The following LRFN2 variants were observed in gnomAD, a reference collection of about 807,000 sequenced individuals.
LRFN2 encodes the protein leucine rich repeat and fibronectin type III domain containing 2, also known as leucine-rich repeat and fibronectin type-III domain-containing protein 2.
Under a neutral mutation model 37.3 loss-of-function variants are expected in LRFN2, and 18 were observed. The observed-to-expected ratio is 0.48, with a 90% CI of 0.33 to 0.72. The LOEUF is 0.72. LRFN2 is among the 30% of genes least tolerant of loss of function. The pLI is 0.02. For missense variants in LRFN2, 1,006 were observed against 1,060.7 expected, an observed-to-expected ratio of 0.95 and a Z score of 0.72; for synonymous variants, 556 against 466.6, an observed-to-expected ratio of 1.19 and a Z score of -2.47.
At chr6:40,457,867 A>G (rs1051001395) in intron 1 of LRFN2, among the ~76,000 whole-genome samples, 4 of 152,266 alleles carry the variant, frequency 2.6e-5, no homozygotes, top group Non-Finnish European at 5.9e-5. Flanking sequence ...AAGCAAAATC[A>G]ATGTGTGTGA....
At chr6:40,466,183 G>A (rs752206959) in intron 1 of LRFN2, among the ~76,000 whole-genome samples, 1 of 152,102 alleles carries the variant, frequency 6.6e-6, no homozygotes, top group Non-Finnish European at 1.5e-5. Flanking sequence ...ACCTTTGCAG[G>A]TCCATTCCCA....
chr6:40,581,218 C>G (rs1767392518), intron 1 of LRFN2, among the ~76,000 whole-genome samples: 1 of 152,172 alleles, frequency 6.6e-6, no homozygotes, highest in Non-Finnish European at 1.5e-5. Context: ...GGATGGAGGA[C>G]CCCAGCCAAG....
rs751179915 is a variant in LRFN2 at position 40,523,505 on chromosome 6, A to ATTTTT, written c.-19+63431_-19+63435dup. 4.6e-5 allele frequency among the ~76,000 whole-genome samples: 6 copies of ATTTTT among 129,312 alleles called. 3 individuals are homozygous for ATTTTT. The highest frequency in any genetic ancestry group is 5.6e-5 in the African/African-American group (2 of 35,904). 84.8% of individuals were successfully genotyped at this position (129,312 alleles called of 152,430 possible). ...TAGGACCCTAAAGCATCTTTAGGTG[A>ATTTTT]TTTTTTTTTTTTTTTTTTTTTTTTT... is the stretch of plus-strand genomic sequence containing the variant. On this transcript the variant is annotated intron_variant, in intron 1 of 2. Transcript: ENST00000338305.
chr6:40,510,043 G>GT (rs1481566734), intron 1 of LRFN2, among the ~76,000 whole-genome samples: 8 of 151,216 alleles, frequency 5.3e-5, no homozygotes, highest in African/African-American at 2.0e-4. Context: ...GAACACTGCT[G>GT]TGCAGGTAGG....
At chr6:40,447,254 T>A (rs964826254) in intron 1 of LRFN2, among the ~76,000 whole-genome samples, 3 of 152,246 alleles carry the variant, frequency 2.0e-5, no homozygotes, top group Non-Finnish European at 2.9e-5. Flanking sequence ...AACCTTCTCA[T>A]TAACCTCAAG....
intron 1 of LRFN2, among the ~76,000 whole-genome samples, chr6:40,557,627 G>A (rs1256859878): frequency 6.6e-6 from 1 of 152,186 alleles, no homozygotes; most frequent in Non-Finnish European, 1.5e-5. Flanking sequence ...TATAGCTGCA[G>A]AGATACCACA....
intron 1 of LRFN2, among the ~76,000 whole-genome samples, chr6:40,496,931 T>C (rs1765241496): frequency 6.6e-6 from 1 of 152,078 alleles, no homozygotes; most frequent in Non-Finnish European, 1.5e-5. Flanking sequence ...GAAAATCCAG[T>C]TAATTACTCA....
chr6:40,420,485 C>A (rs868511585), intron 2 of LRFN2, among the ~76,000 whole-genome samples: 5 of 152,354 alleles, frequency 3.3e-5, no homozygotes, highest in South Asian at 2.1e-4. Context: ...AGCTTCCCCC[C>A]CAGGCTGGCC....
At chr6:40,494,145 A>G (rs1765164955) in intron 1 of LRFN2, among the ~76,000 whole-genome samples, 1 of 152,170 alleles carries the variant, frequency 6.6e-6, no homozygotes, top group Non-Finnish European at 1.5e-5. Context: ...TGAAGTAGTT[A>G]TGGATCTCAG....
intron 1 of LRFN2, among the ~76,000 whole-genome samples, chr6:40,434,894 G>T (rs1006147815): frequency 6.6e-6 from 1 of 151,342 alleles, no homozygotes; most frequent in Non-Finnish European, 1.5e-5. Context: ...CTGTACGCAT[G>T]AGCAAGTTTA....
chr6:40,540,235 A>G (rs1323354640), intron 1 of LRFN2, among the ~76,000 whole-genome samples: 2 of 152,190 alleles, frequency 1.3e-5, no homozygotes, highest in African/African-American at 4.8e-5. Flanking sequence ...TGCAAATAAA[A>G]CATTCAGAAC....
chr6:40,470,883 G>T (rs1359987383), intron 1 of LRFN2, among the ~76,000 whole-genome samples: 4 of 152,184 alleles, frequency 2.6e-5, no homozygotes, highest in Non-Finnish European at 5.9e-5. Context: ...ACATAGGGTG[G>T]GTGGTTGCAC....
At position 40,567,498 on chromosome 6, in the gene LRFN2, G is replaced by A. The variant is rs77101369; in HGVS notation, c.-19+19443C>T. Among the ~76,000 whole-genome samples the A allele has an allele frequency of 1.5e-3, 225 of 152,198 alleles. 2 individuals are homozygous for A. The East Asian group carries it at 0.018, about 12-fold the overall frequency. On this transcript the variant is annotated intron_variant, in intron 1 of 2. Coordinates refer to ENST00000338305, the MANE Select transcript of LRFN2 (RefSeq NM_020737.3). ...CTGTCCACTTCATTCCTTAAAACAC[G>A]TGATTACAAAGCTGTCTTGATCCTT...
At chr6:40,405,892 G>A (rs891477952) in intron 2 of LRFN2, among the ~76,000 whole-genome samples, 1 of 152,218 alleles carries the variant, frequency 6.6e-6, no homozygotes, top group Non-Finnish European at 1.5e-5. Context: ...GGTGACAGGT[G>A]AGGATCACTC....
intron 1 of LRFN2, among the ~76,000 whole-genome samples, chr6:40,576,131 G>A (rs1382522181): frequency 1.3e-5 from 2 of 152,134 alleles, no homozygotes; most frequent in African/African-American, 4.8e-5. Flanking sequence ...CTTCCTCACT[G>A]TCATGGGGTC....
At chr6:40,451,376 G>A (rs559570945) in intron 1 of LRFN2, among the ~76,000 whole-genome samples, 1 of 152,296 alleles carries the variant, frequency 6.6e-6, no homozygotes, top group South Asian at 2.1e-4. Flanking sequence ...GTTTCTAGAT[G>A]TGGTTCTTCC....
At chr6:40,577,462 G>A (rs1260151597) in intron 1 of LRFN2, among the ~76,000 whole-genome samples, 1 of 152,036 alleles carries the variant, frequency 6.6e-6, no homozygotes, top group Admixed American at 6.6e-5. Context: ...AAAGATCCAG[G>A]AGGGTACATG....
At chr6:40,516,917 C>G (rs1765895204) in intron 1 of LRFN2, among the ~76,000 whole-genome samples, 1 of 151,876 alleles carries the variant, frequency 6.6e-6, no homozygotes, top group Non-Finnish European at 1.5e-5. Flanking sequence ...GCAGAGCTCT[C>G]CATTCCTTCC....
chr6:40,548,327 G>A (rs1766702186), intron 1 of LRFN2, among the ~76,000 whole-genome samples: 1 of 152,086 alleles, frequency 6.6e-6, no homozygotes, highest in African/African-American at 2.4e-5. Context: ...TGTAATTCCA[G>A]TTACTTGGGA....
Sources: allele counts gnomAD v4.1 joint callset (sites outside exome capture counted in the v4.1 genomes callset), GRCh38; gene constraint gnomAD v4.1.1; transcripts MANE v1.5; gene names NCBI Gene and HGNC (gene_info 2026-07-23, HGNC 2026-07-21).